The following ADCY9 variants were observed in gnomAD, a reference collection of about 807,000 sequenced individuals.
The protein encoded by ADCY9 is adenylate cyclase type 9.
In ADCY9, 50 loss-of-function variants were observed where a neutral mutation model predicts 101.5. That is an observed-to-expected ratio of 0.49 (90% CI 0.39 to 0.62). The LOEUF (loss-of-function observed/expected upper bound fraction) is 0.62, where lower values mean the gene tolerates loss of function less well. Ranked by LOEUF, ADCY9 falls within the 20% of genes least tolerant of loss-of-function variation. The pLI is 0.00. For missense variants in ADCY9, 1,662 were observed against 1,800.4 expected (o/e 0.92, Z 1.39); for synonymous variants, 905 against 769.3 (o/e 1.18, Z -2.92).
chr16:4,019,934 CGG>C (rs2056463364), intron 2 of ADCY9, among the ~76,000 whole-genome samples: 1 of 152,008 alleles, frequency 6.6e-6, no homozygotes, highest in South Asian at 2.1e-4. Flanking sequence ...AAAAATTAAC[CGG>C]GCGTGGTGGC....
At chr16:3,998,824 A>G (rs922128288) in intron 3 of ADCY9, among the ~76,000 whole-genome samples, 2 of 149,418 alleles carry the variant, frequency 1.3e-5, no homozygotes, top group Non-Finnish European at 3.0e-5. Context: ...CATCTACCCA[A>G]TGGAGAGATT....
chr16:4,078,293 G>T (rs2056880342), intron 2 of ADCY9, among the ~76,000 whole-genome samples: 1 of 152,148 alleles, frequency 6.6e-6, no homozygotes, highest in Non-Finnish European at 1.5e-5. Context: ...CAGGCACAAT[G>T]GTTCATGCTT....
At chr16:4,013,588 A>C (rs2056418282) in intron 2 of ADCY9, among the ~76,000 whole-genome samples, 1 of 152,262 alleles carries the variant, frequency 6.6e-6, no homozygotes, top group African/African-American at 2.4e-5. Context: ...TAAACAGAAA[A>C]GAGGCAATCA....
Position 3,983,426 on chromosome 16 carries a change from G to C in ADCY9, c.2325C>G (p.Ser775=), listed in dbSNP as rs2230740. 4,126 of 1,605,048 alleles carry C rather than the reference G, an allele frequency of 2.6e-3. 30 individuals are homozygous for C. The highest frequency in any genetic ancestry group is 0.017 in the South Asian group (1,527 of 89,500). The change falls in exon 7 of 11, where the codon TCC becomes TCG. Residue 775 remains serine (S), a synonymous_variant. Transcript: ENST00000294016. ...TGGGACTAGCAAACGTCTTCACGGGGGAGTTCTTTATGACCTGTGTGGAGC... is the reference window on the plus strand; with the variant it reads ...TGGGACTAGCAAACGTCTTCACGGGCGAGTTCTTTATGACCTGTGTGGAGC... ...TSYQEEVIKN[S]PVKTFASPTF...
chr16:4,067,805 G>A (rs1567135582), intron 2 of ADCY9, among the ~76,000 whole-genome samples: 1 of 152,188 alleles, frequency 6.6e-6, no homozygotes, highest in Non-Finnish European at 1.5e-5. Context: ...GCTAATGTGT[G>A]CAAACATTTA....
chr16:4,008,697 A>T (rs1452622496), intron 2 of ADCY9, among the ~76,000 whole-genome samples: 1 of 151,936 alleles, frequency 6.6e-6, no homozygotes, highest in Non-Finnish European at 1.5e-5. Context: ...TCAGCCTGTG[A>T]GCAGGCAGGT....
chr16:4,115,293 G>C lies in ADCY9; in HGVS notation c.150C>G (p.Ile50Met). Residue 50 changes from isoleucine (I) to methionine (M), a missense_variant, in exon 2 of 11, where the codon ATC (isoleucine) becomes ATG (methionine). Ile to Met is a conservative substitution (Grantham distance 10). Around this residue, in one of 5 missense-constraint regions of ADCY9, gnomAD observed 422 missense variants for 392.0 expected, o/e 1.08. Coordinates refer to ENST00000294016, the MANE Select transcript of ADCY9 (RefSeq NM_001116.4). The surrounding 1 kb of genome is among the most constrained non-coding windows in gnomAD (Gnocchi z 6.2). ...CCCCAGAGCTGCTGCAGCTAGAGGAGATGCTGTATTTGCAGTGCTTGGGGT... is the reference window on the plus strand; with the variant it reads ...CCCCAGAGCTGCTGCAGCTAGAGGACATGCTGTATTTGCAGTGCTTGGGGT... ...NSHPKHCKYS[I>M]SSSCSSSGDS... 1 of 1,613,896 alleles carries C rather than the reference G, an allele frequency of 6.2e-7. No homozygotes were observed.
Position 3,965,769 on chromosome 16 carries a change from G to A in ADCY9, c.*6C>T, listed in dbSNP as rs201652137. 6.6e-5 allele frequency: 105 copies of A among 1,599,484 alleles called. No homozygotes were observed. The East Asian group carries it at 7.8e-4, about 12-fold the overall frequency. On this transcript the variant is annotated 3_prime_UTR_variant, in exon 11 of 11. Transcript: ENST00000294016. Reference sequence around the variant, plus strand: ...AGAGCACCTCGGGCAGCGGGTGGGCGCCGCCTCACACACTCTTTGAAACGT... The same window carrying A: ...AGAGCACCTCGGGCAGCGGGTGGGCACCGCCTCACACACTCTTTGAAACGT...
At position 3,966,209 on chromosome 16, in the gene ADCY9, C is replaced by T. The variant is rs770070508; in HGVS notation, c.3628G>A (p.Glu1210Lys). 9 of 1,614,104 alleles carry T rather than the reference C, an allele frequency of 5.6e-6. No homozygotes were observed. Among genetic ancestry groups the T allele is most frequent in the East Asian group, 2.2e-5 (1 of 44,896 alleles). ...TGVECRIQVSEESYRVLSKMG... is the reference protein window; with the variant it reads ...TGVECRIQVSKESYRVLSKMG... ...TTGCTCAAGACGCGGTAGCTCTCTT[C>T]GCTCACCTGGATGCGGCACTCCACG... The change falls in exon 11 of 11, where the codon GAA becomes AAA. Residue 1210 changes from glutamate (E) to lysine (K), a missense_variant. Physicochemically the swap from Glu to Lys is moderately conservative, Grantham distance 56. Coordinates refer to ENST00000294016, the MANE Select transcript of ADCY9 (RefSeq NM_001116.4).
At chr16:4,097,487 T>TATATACACACACACAC (rs76750792) in intron 2 of ADCY9, among the ~76,000 whole-genome samples, 1,161 of 72,076 alleles carry the variant, frequency 0.016, 27 homozygotes, top group Non-Finnish European at 0.022. Flanking sequence ...TATATATATA[T>TATATACACACACACAC]ACACACACAC....
intron 2 of ADCY9, among the ~76,000 whole-genome samples, chr16:4,081,045 C>G (rs560614542): frequency 5.3e-5 from 8 of 152,258 alleles, no homozygotes; most frequent in Admixed American, 3.9e-4. Flanking sequence ...AGGGAAAACA[C>G]TATTTTTAAA....
chr16:4,018,958 T>C (rs1477851477), intron 2 of ADCY9, among the ~76,000 whole-genome samples: 1 of 150,614 alleles, frequency 6.6e-6, no homozygotes, highest in African/African-American at 2.4e-5. Flanking sequence ...CAGTTGTGTG[T>C]GTGTGTGTGT....
chr16:3,973,785 GC>G (rs1185191782), intron 10 of ADCY9, among the ~76,000 whole-genome samples: 5 of 152,184 alleles, frequency 3.3e-5, no homozygotes, highest in African/African-American at 1.2e-4. Flanking sequence ...GAGTCACCGA[GC>G]CCGGTCCTTT....
At position 4,007,430 on chromosome 16, in the gene ADCY9, T is replaced by C. The variant is rs1435663987; in HGVS notation, c.1822A>G (p.Thr608Ala). 6.2e-7 allele frequency: 1 copy of C among 1,612,682 alleles called. No homozygotes were observed. The highest frequency in any genetic ancestry group is 8.5e-7 in the Non-Finnish European group (1 of 1,179,664). The change falls in exon 3 of 11, where the codon ACA (threonine) becomes GCA (alanine). Residue 608 changes from threonine (T) to alanine (A), a missense_variant. Thr to Ala is a moderately conservative substitution (Grantham distance 58, BLOSUM62 0). Coordinates refer to ENST00000294016, the MANE Select transcript of ADCY9 (RefSeq NM_001116.4). ...QVSSGPRGQG[T>A]ASSGNVSDLA... The stretch of plus-strand genomic sequence containing the variant: ...TCACTGACATTCCCTGATGACGCTG[T>C]CCCCTGTCCCCTAGGGCCTGAGGAC...
Position 4,112,806 on chromosome 16 carries a change from T to C in ADCY9, c.1693+944A>G, listed in dbSNP as rs187580733. 3.4e-3 allele frequency among the ~76,000 whole-genome samples: 525 copies of C among 152,232 alleles called. 3 individuals carry two copies. The highest frequency in any genetic ancestry group is 5.3e-3 in the Non-Finnish European group (363 of 68,006). ...AGATTTTAGTAAAACATAAGGACTG[T>C]TTAAAAAGGAGGAAGTGGGGGAAGA... On this transcript the variant is annotated intron_variant, in intron 2 of 10. Transcript: ENST00000294016.
intron 2 of ADCY9, among the ~76,000 whole-genome samples, chr16:4,106,044 C>T (rs540315861): frequency 1.3e-5 from 2 of 152,148 alleles, no homozygotes; most frequent in African/African-American, 4.8e-5. Flanking sequence ...CAGCCTCTAG[C>T]GGGTTTGATG....
At chr16:4,017,211 T>C (rs1322184165) in intron 2 of ADCY9, among the ~76,000 whole-genome samples, 1 of 149,828 alleles carries the variant, frequency 6.7e-6, no homozygotes, top group African/African-American at 2.4e-5. Context: ...CTAAATACAG[T>C]AATGTGAACA....
intron 3 of ADCY9, among the ~76,000 whole-genome samples, chr16:3,999,654 G>C (rs956276950): frequency 6.6e-6 from 1 of 152,210 alleles, no homozygotes; most frequent in Non-Finnish European, 1.5e-5. Flanking sequence ...GCGGGCCAGG[G>C]AGTTTGCTGG....
intron 5 of ADCY9, among the ~76,000 whole-genome samples, chr16:3,991,158 T>C (rs1164596016): frequency 6.6e-6 from 1 of 152,240 alleles, no homozygotes; most frequent in Non-Finnish European, 1.5e-5. Flanking sequence ...CAATGAATGT[T>C]AAATCTAGGG....
Sources: gnomAD v4.1 joint callset for allele counts (sites outside exome capture counted in the v4.1 genomes callset) on GRCh38, gnomAD v4.1.1 for gene constraint, gnomAD v4.1.1 regional missense constraint, Gnocchi (gnomAD v3.1) non-coding constraint, MANE v1.5 for transcripts, NCBI Gene and HGNC (gene_info 2026-07-23, HGNC 2026-07-21) for gene names.